MAPK10: variants seen among roughly 807,000 people sequenced by gnomAD.
The protein encoded by MAPK10 is JNK3 alpha protein kinase.
In MAPK10, 25 loss-of-function variants were observed where a neutral mutation model predicts 59.3. The ratio of observed to expected loss-of-function variants is 0.42; its 90% CI spans 0.31 to 0.59. MAPK10 has a LOEUF of 0.59. Ranked by LOEUF, MAPK10 falls within the 20% of genes least tolerant of loss-of-function variation. The pLI is 0.15. For synonymous variants in MAPK10, 190 were observed against 200.5 expected, an observed-to-expected ratio of 0.95 and a Z score of 0.44; for missense variants, 351 against 568.9, an observed-to-expected ratio of 0.62 and a Z score of 3.90.
intron 11 of MAPK10, among the ~76,000 whole-genome samples, chr4:86,050,437 C>T (rs945309738): frequency 6.6e-6 from 1 of 152,090 alleles, no homozygotes; most frequent in African/African-American, 2.4e-5. Context: ...ACTTTGAGTC[C>T]ATGTCCTCTA....
intron 3 of MAPK10, among the ~76,000 whole-genome samples, chr4:86,169,422 A>G (rs1200416182): frequency 6.6e-6 from 1 of 152,266 alleles, no homozygotes; most frequent in Non-Finnish European, 1.5e-5. Flanking sequence ...AGAATGCAGA[A>G]GCCTCAGGAG....
intron 9 of MAPK10, among the ~76,000 whole-genome samples, chr4:86,084,706 AT>A (rs766949840): frequency 6.9e-6 from 1 of 144,694 alleles, no homozygotes; most frequent in Non-Finnish European, 1.5e-5. Flanking sequence ...TGCAGTCCCT[AT>A]CAAAATACGA....
chr4:86,325,899 T>C (rs1210805088), intron 2 of MAPK10: 7 of 152,204 alleles, frequency 4.6e-5, no homozygotes, highest in Non-Finnish European at 2.9e-5. Flanking sequence ...ACTGAGCACT[T>C]ACTGTGTTCA....
intron 2 of MAPK10, among the ~76,000 whole-genome samples, chr4:86,292,306 G>C (rs2095249700): frequency 6.6e-6 from 1 of 152,120 alleles, no homozygotes; most frequent in Non-Finnish European, 1.5e-5. Flanking sequence ...CATATCTCTA[G>C]CACAAATTCT....
chr4:86,103,118 G>T lies in MAPK10; in HGVS notation c.425+68C>A, dbSNP rs368198983. On this transcript the variant is annotated intron_variant, in intron 6 of 13. Transcript: ENST00000641462. ...GTGTGTGTGTGTGTGTGTGTGTGTG[G>T]TGTGTGATTTTCCCTTGGGCTATCT... 1.4e-5 allele frequency: 8 copies of T among 562,744 alleles called. No homozygotes were observed. The African/African-American group carries it at 1.7e-4, about 12-fold the overall frequency. 34.9% of individuals were successfully genotyped at this position (562,744 alleles called of 1,614,324 possible). A position where few individuals can be genotyped will look rare whatever the true frequency, so the allele number is the denominator to read the frequency against.
At chr4:86,183,960 G>A (rs4114893) in intron 3 of MAPK10, among the ~76,000 whole-genome samples, 49,401 of 151,908 alleles carry the variant, frequency 0.33, 11,088 homozygotes, top group African/African-American at 0.64. Context: ...GTCTGTTCAT[G>A]TCCTTTGCCC....
In MAPK10 at chr4:86,018,777, G is replaced by A. The variant is rs1043401205; in HGVS notation, c.1253-1407C>T. ...AGTCCCCTAATCAAATAAGAGATGAGGAATTCTCACTAAAATTATATCTTA... is the reference window on the plus strand; with the variant it reads ...AGTCCCCTAATCAAATAAGAGATGAAGAATTCTCACTAAAATTATATCTTA... On this transcript the variant is annotated intron_variant, in intron 13 of 13. Transcript: ENST00000641462. 2.0e-5 allele frequency among the ~76,000 whole-genome samples: 3 copies of A among 152,244 alleles called. No homozygotes were observed. The South Asian group carries it at 6.2e-4, about 32-fold the overall frequency.
At chr4:86,350,240 A>C (rs1015816684) in intron 2 of MAPK10, among the ~76,000 whole-genome samples, 2 of 150,546 alleles carry the variant, frequency 1.3e-5, no homozygotes, top group African/African-American at 2.4e-5. Context: ...TTTGAGACGG[A>C]GTCTCACTCT....
At chr4:86,225,260 T>C in intron 2 of MAPK10, among the ~76,000 whole-genome samples, 1 of 152,154 alleles carries the variant, frequency 6.6e-6, no homozygotes, top group Non-Finnish European at 1.5e-5. Flanking sequence ...GTATTAACAA[T>C]GTGGTTTATG....
chr4:86,208,521 C>T, intron 2 of MAPK10, among the ~76,000 whole-genome samples: 1 of 151,204 alleles, frequency 6.6e-6, no homozygotes, highest in Non-Finnish European at 1.5e-5. Context: ...CAGAAAAGGC[C>T]TTTGACAAAA....
At chr4:86,428,960 T>C (rs1386423082) in intron 1 of MAPK10, among the ~76,000 whole-genome samples, 2 of 152,234 alleles carry the variant, frequency 1.3e-5, no homozygotes, top group Admixed American at 1.3e-4. Flanking sequence ...CATTAGCATT[T>C]ACCAAGGTTC....
chr4:86,504,410 C>G (rs1437743238), intron 1 of MAPK10, among the ~76,000 whole-genome samples: 1 of 152,130 alleles, frequency 6.6e-6, no homozygotes, highest in Admixed American at 6.5e-5. Flanking sequence ...CGATTATTGT[C>G]TGTAAACTAA....
intron 4 of MAPK10, among the ~76,000 whole-genome samples, chr4:86,136,292 C>T (rs1484004129): frequency 1.3e-5 from 2 of 152,042 alleles, no homozygotes; most frequent in South Asian, 2.1e-4. Context: ...AGAGAAAGGT[C>T]GGGTTACCCA....
At chr4:86,471,084 T>C (rs889836816) in intron 1 of MAPK10, among the ~76,000 whole-genome samples, 4 of 151,820 alleles carry the variant, frequency 2.6e-5, no homozygotes, top group Non-Finnish European at 5.9e-5. Flanking sequence ...GCCTGACCAA[T>C]ATGGTGAAAC....
intron 1 of MAPK10, among the ~76,000 whole-genome samples, chr4:86,589,541 G>C (rs1762874932): frequency 6.6e-6 from 1 of 152,008 alleles, no homozygotes; most frequent in African/African-American, 2.4e-5. Flanking sequence ...AATTAGCCGG[G>C]CGTGGTGGCT....
chr4:86,139,612 C>G (rs1449191409), intron 4 of MAPK10, among the ~76,000 whole-genome samples: 10 of 152,174 alleles, frequency 6.6e-5, no homozygotes. Flanking sequence ...CCATTCAGGA[C>G]ATAGGCATGG....
At position 86,342,612 on chromosome 4, in the gene MAPK10, T is replaced by C. The variant is rs952459318; in HGVS notation, c.-7+11918A>G. Among the ~76,000 whole-genome samples the C allele has an allele frequency of 3.3e-5, 5 of 152,222 alleles. No individual in the cohort carries two copies. The South Asian group carries it at 1.0e-3, about 31-fold the overall frequency. On this transcript the variant is annotated intron_variant, in intron 2 of 13. Transcript: ENST00000641462. ...GCAATCCATTTCTACATTTTACATA[T>C]GGAGAAACCAAAGCTAAAGGACCTG...
In MAPK10 at chr4:86,013,948, T is replaced by C. The variant is rs1021213282; in HGVS notation, c.*3280A>G. 1.3e-5 allele frequency: 2 copies of C among 152,194 alleles called. No individual in the cohort carries two copies. The highest frequency in any genetic ancestry group is 2.9e-5 in the Non-Finnish European group (2 of 68,038). The allele number at this position is 152,194 out of a possible 1,614,324, so 9.4% of individuals were successfully genotyped here. On this transcript the variant is annotated 3_prime_UTR_variant, in exon 14 of 14. Coordinates refer to ENST00000641462, the MANE Select transcript of MAPK10 (RefSeq NM_138982.4). The stretch of plus-strand genomic sequence containing the variant: ...TATTCCTATTTAAAATTGAACACGC[T>C]GACCCACAAAACACATATAAAAATA...
At chr4:86,502,296 A>T (rs184108663) in intron 1 of MAPK10, among the ~76,000 whole-genome samples, 1 of 152,194 alleles carries the variant, frequency 6.6e-6, no homozygotes, top group Admixed American at 6.5e-5. Flanking sequence ...CATTCAGAAT[A>T]TAATGGAAAA....
Sources: allele counts gnomAD v4.1 joint callset (sites outside exome capture counted in the v4.1 genomes callset), GRCh38; gene constraint gnomAD v4.1.1; transcripts MANE v1.5; gene names NCBI Gene and HGNC (gene_info 2026-07-23, HGNC 2026-07-21).